LRRC17: variants seen among roughly 807,000 people sequenced by gnomAD.
LRRC17 encodes the protein leucine-rich repeat-containing protein 17.
A neutral mutation model predicts 41.5 loss-of-function variants in LRRC17; 33 were observed. That is an observed-to-expected ratio of 0.80 (90% confidence interval 0.60 to 1.06). The LOEUF (loss-of-function observed/expected upper bound fraction) is 1.06. Ranked by LOEUF, LRRC17 falls within the 50% of genes least tolerant of loss-of-function variation. LRRC17 has a pLI of 0.00. For missense variants in LRRC17, 491 were observed against 519.3 expected (o/e 0.95, Z 0.53); for synonymous variants, 192 against 197.0 (o/e 0.97, Z 0.21).
chr7:102,913,155 G>A lies in LRRC17; in HGVS notation c.-141+10G>A. 1 of 1,614,140 alleles carries A rather than the reference G, an allele frequency of 6.2e-7. No individual in the cohort carries two copies. The highest frequency in any genetic ancestry group is 8.5e-7 in the Non-Finnish European group (1 of 1,180,014). On this transcript the variant is annotated intron_variant, in intron 1 of 3. Coordinates refer to ENST00000339431, the MANE Select transcript of LRRC17 (RefSeq NM_001031692.3). ...CATTCCCCAAGTTCAGGTACTGTAA[G>A]CCTTTGTCTGTGAACCGTCTGCAAT...
intron 1 of LRRC17, among the ~76,000 whole-genome samples, chr7:102,930,626 CT>C (rs1818985865): frequency 6.6e-6 from 1 of 152,260 alleles, no homozygotes; most frequent in South Asian, 2.1e-4. Flanking sequence ...TTCTGAAACT[CT>C]TTACTCACTT....
rs1822186605 is a variant in LRRC17, at chr7:102,944,882, C to T, written c.*275C>T. 3 of 319,678 alleles carry T rather than the reference C, an allele frequency of 9.4e-6. No individual in the cohort carries two copies. The highest frequency in any genetic ancestry group is 4.7e-5 in the Admixed American group (1 of 21,380). 19.8% of individuals were successfully genotyped at this position (319,678 alleles called of 1,614,324 possible). On this transcript the variant is annotated 3_prime_UTR_variant, in exon 4 of 4. Transcript: ENST00000339431. ...GGTCCTAATGATGGCATTAGACTTTCATAATGTCCTGTATAAATGTTTTTA... is the reference window on the plus strand; with the variant it reads ...GGTCCTAATGATGGCATTAGACTTTTATAATGTCCTGTATAAATGTTTTTA...
intron 2 of LRRC17, among the ~76,000 whole-genome samples, chr7:102,935,238 C>CTTTTTTTTTTTT (rs1563116555): frequency 1.2e-5 from 1 of 84,466 alleles, no homozygotes; most frequent in Non-Finnish European, 2.2e-5. Context: ...TTTTTTTTTT[C>CTTTTTTTTTTTT]TTTCTTTTTT....
At chr7:102,932,595 CG>C (rs1338762447) in intron 1 of LRRC17, among the ~76,000 whole-genome samples, 2 of 2,570 alleles carry the variant, frequency 7.8e-4, no homozygotes, top group Non-Finnish European at 4.7e-3. Context: ...TTGTTTGTTT[CG>C]TTTTTTTGAG....
chr7:102,934,099 G>C lies in LRRC17; in HGVS notation c.186G>C (p.Glu62Asp). Residue 62 changes from glutamate to aspartate, a missense_variant, in exon 2 of 4, where the codon GAG (glutamate) becomes GAC (aspartate). Coordinates refer to ENST00000339431, the MANE Select transcript of LRRC17 (RefSeq NM_001031692.3). ...LPCDVYTYLH[E>D]KYLDCQERKL... ...GTGACGTGTACACATATCTCCATGA[G>C]AAATACTTAGATTGTCAAGAAAGAA... is the stretch of plus-strand genomic sequence containing the variant. The C allele has an allele frequency of 6.2e-7, 1 of 1,614,154 alleles. No individual in the cohort carries two copies. The highest frequency in any genetic ancestry group is 1.3e-5 in the African/African-American group (1 of 75,070).
At chr7:102,932,924 T>C (rs1819501459) in intron 1 of LRRC17, 1 of 152,218 alleles carries the variant, frequency 6.6e-6, no homozygotes, top group African/African-American at 2.4e-5. Flanking sequence ...AATTCATCAG[T>C]TCAACAAATA....
chr7:102,934,556 GAA>G lies in LRRC17; in HGVS notation c.644_645del (p.Glu215GlyfsTer21). ...QIKSEQLCNE[E>X]EKEQLDPKPQ... ...AAAATCTGAACAGTTGTGTAATGAA[GAA>G]GAAAAGGAACAATTGGACCCGAAAC... On this transcript the variant is annotated frameshift_variant, in exon 2 of 4. Transcript: ENST00000339431. LOFTEE classifies it high-confidence loss of function. 1 of 1,472,516 alleles carries G rather than the reference GAA, an allele frequency of 6.8e-7. No homozygotes were observed. Among genetic ancestry groups the G allele is most frequent in the Non-Finnish European group, 9.0e-7 (1 of 1,112,628 alleles). 91.2% of individuals were successfully genotyped at this position (1,472,516 alleles called of 1,614,324 possible).
At chr7:102,925,291 A>C (rs1817903781) in intron 1 of LRRC17, among the ~76,000 whole-genome samples, 1 of 152,122 alleles carries the variant, frequency 6.6e-6, no homozygotes, top group African/African-American at 2.4e-5. Context: ...GCTACTCAGG[A>C]GGCTGAGGCG....
intron 1 of LRRC17, among the ~76,000 whole-genome samples, chr7:102,914,830 G>A (rs968742385): frequency 6.6e-6 from 1 of 152,158 alleles, no homozygotes; most frequent in East Asian, 1.9e-4. Context: ...GGACTGAGCT[G>A]TGCTAAAGTT....
intron 1 of LRRC17, among the ~76,000 whole-genome samples, chr7:102,915,148 G>C (rs1815597444): frequency 7.5e-6 from 1 of 132,742 alleles, no homozygotes; most frequent in South Asian, 2.4e-4. Flanking sequence ...TTTTTACACT[G>C]ATCAACTGTG....
intron 1 of LRRC17, among the ~76,000 whole-genome samples, chr7:102,914,218 G>A (rs567226017): frequency 6.6e-5 from 10 of 152,180 alleles, no homozygotes; most frequent in East Asian, 1.9e-4. Flanking sequence ...GATTACAGGC[G>A]CGTGCCAACA....
chr7:102,931,980 T>C (rs1819266482), intron 1 of LRRC17: 2 of 1,570,666 alleles, frequency 1.3e-6, no homozygotes, highest in African/African-American at 2.7e-5. Context: ...TTGCAAATGT[T>C]TAAACAAAGT....
rs193274850 is a variant in LRRC17, at chr7:102,925,751, G to C, written c.-140-8023G>C. ...GAAGTCAGGAGTTTGAGACCAGCCT[G>C]ACCAACATGGAGAAACCCCATCTCT... On this transcript the variant is annotated intron_variant, in intron 1 of 3. Transcript: ENST00000339431. Among the ~76,000 whole-genome samples, 7 of 152,222 alleles carry C rather than the reference G, an allele frequency of 4.6e-5. No homozygotes were observed. The East Asian group carries it at 1.4e-3, about 30-fold the overall frequency.
At chr7:102,926,266 A>G (rs1818115499) in intron 1 of LRRC17, 1 of 1,611,496 alleles carries the variant, frequency 6.2e-7, no homozygotes, top group Non-Finnish European at 8.5e-7. Flanking sequence ...AAATAACACA[A>G]ACATTACCTC....
At chr7:102,915,481 C>T (rs1815658073) in intron 1 of LRRC17, among the ~76,000 whole-genome samples, 2 of 63,910 alleles carry the variant, frequency 3.1e-5, no homozygotes, top group Admixed American at 3.9e-4. Context: ...AAGGATTTCA[C>T]ATTGAATGTA....
chr7:102,913,311 C>T, intron 1 of LRRC17, 166 bp downstream of exon 1: 1 of 1,472,162 alleles, frequency 6.8e-7, no homozygotes, highest in Non-Finnish European at 9.3e-7. Flanking sequence ...GTAAATTCAA[C>T]TCTTCTTCTT....
At chr7:102,938,468 A>G (rs1820750510) in intron 2 of LRRC17, among the ~76,000 whole-genome samples, 1 of 152,228 alleles carries the variant, frequency 6.6e-6, no homozygotes, top group African/African-American at 2.4e-5. Flanking sequence ...AATTACCTGG[A>G]GAAATTTCCT....
chr7:102,926,323 T>C, intron 1 of LRRC17: 1 of 1,614,010 alleles, frequency 6.2e-7, no homozygotes, highest in Non-Finnish European at 8.5e-7. Context: ...TTAGACAGAT[T>C]GAGACACAGG....
chr7:102,927,061 A>G (rs909320824), intron 1 of LRRC17, among the ~76,000 whole-genome samples: 7 of 152,222 alleles, frequency 4.6e-5, no homozygotes, highest in African/African-American at 1.7e-4. Context: ...GTAAGAGAGT[A>G]GTGGGACCAT....
Sources: allele counts gnomAD v4.1 joint callset (sites outside exome capture counted in the v4.1 genomes callset), GRCh38; gene constraint gnomAD v4.1.1; transcripts MANE v1.5; gene names NCBI Gene and HGNC (gene_info 2026-07-23, HGNC 2026-07-21).